Variants in MROH7 observed in about 807,000 individuals in gnomAD.
MROH7 encodes the protein maestro heat like repeat family member 7, also known as maestro heat-like repeat-containing protein family member 7.
Under a neutral mutation model 129.2 loss-of-function variants are expected in MROH7, and 113 were observed. That is an observed-to-expected ratio of 0.87 (90% CI 0.75 to 1.02). The LOEUF is 1.02. Among genes scored for constraint, MROH7 ranks in the 50% least tolerant of loss-of-function variants. MROH7 has a pLI of 0.00. For missense variants in MROH7, 1,601 were observed against 1,671.3 expected (o/e 0.96, Z 0.73); for synonymous variants, 655 against 667.9 (o/e 0.98, Z 0.30).
intron 17 of MROH7, among the ~76,000 whole-genome samples, chr1:54,697,004 T>C (rs1438801054): frequency 1.3e-5 from 2 of 152,166 alleles, no homozygotes; most frequent in African/African-American, 4.8e-5. Flanking sequence ...CTGAATAATA[T>C]TTCATTGCAT....
At chr1:54,694,995 G>A (rs1028684110) in intron 16 of MROH7, among the ~76,000 whole-genome samples, 4 of 152,192 alleles carry the variant, frequency 2.6e-5, no homozygotes, top group Non-Finnish European at 2.9e-5. Context: ...CTGCTTCGAA[G>A]GATCAGATGG....
At chr1:54,654,563 C>T (rs1275729113) in intron 3 of MROH7, among the ~76,000 whole-genome samples, 1 of 152,104 alleles carries the variant, frequency 6.6e-6, no homozygotes, top group Non-Finnish European at 1.5e-5. Context: ...ATCCCAGCTA[C>T]TCGGGAGGCT....
chr1:54,705,858 C>T (rs1308043296), intron 21 of MROH7, among the ~76,000 whole-genome samples: 2 of 152,126 alleles, frequency 1.3e-5, no homozygotes, highest in African/African-American at 2.4e-5. Context: ...TCATCTTCTC[C>T]CTCAACAGCT....
chr1:54,700,613 C>A, intron 18 of MROH7, 152 bp downstream of exon 18: 1 of 707,528 alleles, frequency 1.4e-6, no homozygotes, highest in Non-Finnish European at 2.2e-6. Flanking sequence ...AAATAGATAT[C>A]CTTTAAAAAT....
In MROH7 at chr1:54,702,356, A is replaced by AT. The variant is rs113929857; in HGVS notation, c.3441+112dup. 2,272 of 980,960 alleles carry AT rather than the reference A, an allele frequency of 2.3e-3. 32 individuals are homozygous for AT. In the African/African-American group the frequency reaches 0.034, roughly 15 times the overall value. 60.8% of individuals were successfully genotyped at this position (980,960 alleles called of 1,614,324 possible). A position where few individuals can be genotyped will look rare whatever the true frequency, so the allele number is the denominator to read the frequency against. On this transcript the variant is annotated intron_variant, in intron 20 of 23. Coordinates refer to ENST00000421030, the MANE Select transcript of MROH7 (RefSeq NM_001039464.4). ...CAAACAATCCTGGGGGCAGTTATGT[A>AT]TGTCCAGCCATGTCTGTTTTCTAAA...
In MROH7 at chr1:54,679,874, C is replaced by A; in HGVS notation, c.2227-17C>A. 6.3e-7 allele frequency: 1 copy of A among 1,599,176 alleles called. No individual in the cohort carries two copies. The highest frequency in any genetic ancestry group is 1.1e-5 in the South Asian group (1 of 90,530). Reference sequence around the variant, plus strand: ...TTGGCAGTCCCCTTGCTCATGGCTGCCCCGGCTGTGCCCCAGATCCCAGAA... The same window carrying A: ...TTGGCAGTCCCCTTGCTCATGGCTGACCCGGCTGTGCCCCAGATCCCAGAA... On this transcript the variant is annotated splice_polypyrimidine_tract_variant and intron_variant, in intron 12 of 23. Coordinates refer to ENST00000421030, the MANE Select transcript of MROH7 (RefSeq NM_001039464.4).
At chr1:54,702,855 C>T in intron 21 of MROH7, 110 bp downstream of exon 21, 2 of 1,352,370 alleles carry the variant, frequency 1.5e-6, no homozygotes, top group East Asian at 4.7e-5. Context: ...CCATGACCAA[C>T]TACAAGTTGT....
At chr1:54,684,047 C>T (rs546976702) in intron 14 of MROH7, among the ~76,000 whole-genome samples, 10 of 152,304 alleles carry the variant, frequency 6.6e-5, no homozygotes, top group African/African-American at 1.2e-4. Context: ...ATACACCTGG[C>T]GCATAGTAAG....
chr1:54,682,571 C>T lies in MROH7; in HGVS notation c.2382-85C>T, dbSNP rs1158908290. On this transcript the variant is annotated intron_variant, in intron 13 of 23. Transcript: ENST00000421030. ...TGGATGCCATTTCATTGGCATCTTACCTTCCCCCTCCCAAAACCATTTGGA... is the reference window on the plus strand; with the variant it reads ...TGGATGCCATTTCATTGGCATCTTATCTTCCCCCTCCCAAAACCATTTGGA... 3 of 1,405,128 alleles carry T rather than the reference C, an allele frequency of 2.1e-6. No homozygotes were observed. The East Asian group carries it at 7.1e-5, about 33-fold the overall frequency. The allele number at this position is 1,405,128 out of a possible 1,614,324, so 87.0% of individuals were successfully genotyped here.
Position 54,652,896 on chromosome 1 carries a change from G to C in MROH7, c.-31G>C. 1 of 1,531,586 alleles carries C rather than the reference G, an allele frequency of 6.5e-7. No individual in the cohort carries two copies. 94.9% of individuals were successfully genotyped at this position (1,531,586 alleles called of 1,614,324 possible). A position where few individuals can be genotyped will look rare whatever the true frequency, so the allele number is the denominator to read the frequency against. On this transcript the variant is annotated 5_prime_UTR_variant, in exon 3 of 24. Transcript: ENST00000421030. ...ACAGTTGGCTGTTGGAGAGAAGCGG[G>C]CACTGGCATTGAGAGACCTCCAGAC...
rs572699849 is a variant in MROH7 at position 54,647,808 on chromosome 1, A to G, written c.-109-4141A>G. 5.7e-4 allele frequency among the ~76,000 whole-genome samples: 86 copies of G among 151,252 alleles called. 1 individual carries two copies. Among genetic ancestry groups the G allele is most frequent in the African/African-American group, 2.0e-3 (83 of 41,212 alleles). On this transcript the variant is annotated intron_variant, in intron 1 of 23. Coordinates refer to ENST00000421030, the MANE Select transcript of MROH7 (RefSeq NM_001039464.4). ...TAGCCCTAGCTACTTGAAAGGCTGA[A>G]GCAGGAGAATCGCTTGAACCTGGGA...
At chr1:54,676,747 C>T (rs1413831267) in intron 10 of MROH7, among the ~76,000 whole-genome samples, 3 of 142,292 alleles carry the variant, frequency 2.1e-5, no homozygotes, top group Admixed American at 7.1e-5. Context: ...CTTGCTTTGT[C>T]GCCCAGGCTG....
At chr1:54,685,565 G>A (rs1027130515) in intron 14 of MROH7, among the ~76,000 whole-genome samples, 2 of 152,180 alleles carry the variant, frequency 1.3e-5, no homozygotes, top group Non-Finnish European at 2.9e-5. Flanking sequence ...CAGTTAGAGA[G>A]GACTTGGTGG....
At chr1:54,693,197 T>A (rs1473119963) in intron 16 of MROH7, among the ~76,000 whole-genome samples, 1 of 152,226 alleles carries the variant, frequency 6.6e-6, no homozygotes, top group African/African-American at 2.4e-5. Context: ...TTGTGTCAGT[T>A]CTTTTGTTCT....
In MROH7 at chr1:54,692,551, T is replaced by C. The variant is rs2304312; in HGVS notation, c.2839T>C (p.Leu947=). ...QVESHHRGVA[L]LARAMVQYSC... ...GGAGAGCCACCACCGCGGAGTGGCCTTGCTGGCAAGGTGAGTCCCGGGACC... is the reference window on the plus strand; with the variant it reads ...GGAGAGCCACCACCGCGGAGTGGCCCTGCTGGCAAGGTGAGTCCCGGGACC... Residue 947 remains leucine (L), a synonymous_variant, in exon 16 of 24, where the codon TTG becomes CTG. Coordinates refer to ENST00000421030, the MANE Select transcript of MROH7 (RefSeq NM_001039464.4). 30,190 of 1,613,068 alleles carry C rather than the reference T, an allele frequency of 0.019. 2,184 individuals are homozygous for C. In the East Asian group the frequency reaches 0.2, roughly 11 times the overall value.
In MROH7 at chr1:54,701,316, C is replaced by T. The variant is rs774713451; in HGVS notation, c.3279C>T (p.Phe1093=). Residue 1093 remains phenylalanine (F), a synonymous_variant, in exon 19 of 24, where the codon TTC becomes TTT. Coordinates refer to ENST00000421030, the MANE Select transcript of MROH7 (RefSeq NM_001039464.4). ...VEMLQILLPH[F]SDAREVVRSS... is the part of the protein sequence containing the mutation. Reference sequence around the variant, plus strand: ...TGCTGCAGATCCTGCTGCCGCACTTCAGCGACGTGAGGACCTCACAGAGCG... The same window carrying T: ...TGCTGCAGATCCTGCTGCCGCACTTTAGCGACGTGAGGACCTCACAGAGCG... 6.3e-7 allele frequency: 1 copy of T among 1,590,512 alleles called. No individual in the cohort carries two copies. Among genetic ancestry groups the T allele is most frequent in the Non-Finnish European group, 8.6e-7 (1 of 1,165,120 alleles).
Position 54,673,786 on chromosome 1 carries a change from T to G in MROH7, c.1781T>G (p.Leu594Arg). 3 of 1,614,008 alleles carry G rather than the reference T, an allele frequency of 1.9e-6. No homozygotes were observed. The highest frequency in any genetic ancestry group is 2.5e-6 in the Non-Finnish European group (3 of 1,179,860). The change falls in exon 9 of 24, where the codon CTT (leucine) becomes CGT (arginine). Residue 594 changes from leucine (L) to arginine (R), a missense_variant. Leu to Arg is a moderately radical substitution (Grantham distance 102). Transcript: ENST00000421030. ...AATGTCTCTGTGTTGAACCACATGC[T>G]TCTAACTCTGCCTTTCTTTGTGAGT... The part of the protein sequence containing the change: ...NTNVSVLNHM[L>R]LTLPFFMPLG...
intron 10 of MROH7, among the ~76,000 whole-genome samples, chr1:54,678,023 C>T (rs1335688992): frequency 6.6e-6 from 1 of 152,132 alleles, no homozygotes; most frequent in African/African-American, 2.4e-5. Flanking sequence ...ACACATCCAC[C>T]AGAATGGCAT....
chr1:54,690,953 G>C (rs1645228013), intron 15 of MROH7, among the ~76,000 whole-genome samples: 2 of 152,126 alleles, frequency 1.3e-5, no homozygotes, highest in South Asian at 4.1e-4. Flanking sequence ...GGGTGGTCCA[G>C]TCACCGGAGG....
Sources: gnomAD v4.1 joint callset for allele counts (sites outside exome capture counted in the v4.1 genomes callset) on GRCh38, gnomAD v4.1.1 for gene constraint, MANE v1.5 for transcripts, NCBI Gene and HGNC (gene_info 2026-07-23, HGNC 2026-07-21) for gene names.